RABGAP1L: variants seen among roughly 807,000 people sequenced by gnomAD.
The protein encoded by RABGAP1L is rab GTPase-activating protein 1-like.
RABGAP1L carries 63 observed loss-of-function variants against 137.7 expected under a neutral mutation model. That is an observed-to-expected ratio of 0.46 (90% confidence interval 0.37 to 0.56). The LOEUF is 0.56. Among genes scored for constraint, RABGAP1L ranks in the 20% least tolerant of loss-of-function variants. RABGAP1L has a pLI of 0.00. For synonymous variants in RABGAP1L, 431 were observed against 433.7 expected (o/e 0.99, Z 0.08); for missense variants, 1,095 against 1,244.0 (o/e 0.88, Z 1.80).
At chr1:174,909,349 AAGT>A (rs1454152317) in intron 19 of RABGAP1L, among the ~76,000 whole-genome samples, 1 of 152,078 alleles carries the variant, frequency 6.6e-6, no homozygotes, top group East Asian at 1.9e-4. Flanking sequence ...TCAGCCTCCC[AAGT>A]AGCTGGGACT....
intron 7 of RABGAP1L, among the ~76,000 whole-genome samples, chr1:174,261,528 T>G (rs149995077): frequency 0.012 from 1,870 of 152,298 alleles, 23 homozygotes; most frequent in Non-Finnish European, 0.019. Context: ...GTTATTTTCT[T>G]GAGGAAAAGA....
chr1:174,238,097 C>G (rs1671380231), intron 4 of RABGAP1L, among the ~76,000 whole-genome samples: 1 of 152,110 alleles, frequency 6.6e-6, no homozygotes, highest in Non-Finnish European at 1.5e-5. Context: ...TCACGTAGTT[C>G]TCGAGCCTTG....
At chr1:174,710,944 G>C (rs1680442615) in intron 17 of RABGAP1L, among the ~76,000 whole-genome samples, 1 of 152,230 alleles carries the variant, frequency 6.6e-6, no homozygotes, top group Non-Finnish European at 1.5e-5. Flanking sequence ...GGGAGGCTCA[G>C]GCTGCGCAGG....
At chr1:174,596,278 G>A (rs1229444003) in intron 13 of RABGAP1L, among the ~76,000 whole-genome samples, 1 of 150,608 alleles carries the variant, frequency 6.6e-6, no homozygotes, top group African/African-American at 2.5e-5. Flanking sequence ...GATGAACCCG[G>A]TACCTCAGAT....
At chr1:174,553,311 A>AC (rs1448375995) in intron 13 of RABGAP1L, among the ~76,000 whole-genome samples, 1 of 152,170 alleles carries the variant, frequency 6.6e-6, no homozygotes, top group African/African-American at 2.4e-5. Context: ...CTGTGCCTAC[A>AC]CCGCAAATGG....
chr1:174,201,358 G>A (rs1413794922), intron 1 of RABGAP1L, among the ~76,000 whole-genome samples: 1 of 150,168 alleles, frequency 6.7e-6, no homozygotes, highest in Admixed American at 6.7e-5. Flanking sequence ...CACCACACCC[G>A]GCTAATTTTT....
chr1:174,982,997 A>G, intron 24 of RABGAP1L, 92 bp downstream of exon 24: 1 of 1,296,980 alleles, frequency 7.7e-7, no homozygotes, highest in Middle Eastern at 1.8e-4. Flanking sequence ...ACCATTTTGT[A>G]TTAAAGGATT....
At chr1:174,537,927 C>G (rs149402977) in intron 13 of RABGAP1L, among the ~76,000 whole-genome samples, 156 of 152,268 alleles carry the variant, frequency 1.0e-3, no homozygotes, top group African/African-American at 3.6e-3. Context: ...CAGTTAGTTA[C>G]TCTCTTCCTT....
At chr1:174,218,557 G>T (rs1178899529) in intron 1 of RABGAP1L, among the ~76,000 whole-genome samples, 1 of 152,024 alleles carries the variant, frequency 6.6e-6, no homozygotes, top group Non-Finnish European at 1.5e-5. Flanking sequence ...TTTTCTTTTT[G>T]GTGTTAATAA....
chr1:174,690,017 A>G (rs939981189), intron 15 of RABGAP1L, among the ~76,000 whole-genome samples: 22 of 152,162 alleles, frequency 1.4e-4, no homozygotes, highest in African/African-American at 5.3e-4. Context: ...TTCCTATTCC[A>G]AGTTAATTCT....
intron 19 of RABGAP1L, among the ~76,000 whole-genome samples, chr1:174,885,556 G>C (rs996863136): frequency 1.3e-5 from 2 of 151,408 alleles, no homozygotes; most frequent in East Asian, 2.0e-4. Context: ...GGGTTTCACT[G>C]TGTTGACCAG....
chr1:174,987,257 C>T (rs1420471604), intron 24 of RABGAP1L, among the ~76,000 whole-genome samples: 1 of 152,108 alleles, frequency 6.6e-6, no homozygotes, highest in African/African-American at 2.4e-5. Context: ...AGCTCCGCCT[C>T]CCGGGTTCAC....
At chr1:174,755,493 A>G (rs1684673522) in intron 18 of RABGAP1L, among the ~76,000 whole-genome samples, 1 of 152,222 alleles carries the variant, frequency 6.6e-6, no homozygotes, top group Admixed American at 6.5e-5. Context: ...CGTGGTTAAA[A>G]GCAAATGACA....
At chr1:174,578,367 A>G (rs1205062282) in intron 13 of RABGAP1L, among the ~76,000 whole-genome samples, 1 of 152,058 alleles carries the variant, frequency 6.6e-6, no homozygotes, top group Non-Finnish European at 1.5e-5. Context: ...TGATTTTTTT[A>G]TAGAGAGGAG....
chr1:174,755,708 A>G (rs866739625), intron 18 of RABGAP1L, among the ~76,000 whole-genome samples: 67 of 152,326 alleles, frequency 4.4e-4, no homozygotes, highest in African/African-American at 1.6e-3. Context: ...ACATATGTAT[A>G]TATGTATGTA....
rs1400668944 is a variant in RABGAP1L, at chr1:174,830,005, C to T, written c.2340+18045C>T. On this transcript the variant is annotated intron_variant, in intron 19 of 25. Coordinates refer to ENST00000681986, the MANE Select transcript of RABGAP1L (RefSeq NM_001366446.1). ...GATTCTGTGAGTTGGCTAGGTGGTT[C>T]TTCTGTTGGTATCTCCTGGATTCAC... 2.7e-5 allele frequency among the ~76,000 whole-genome samples: 4 copies of T among 147,964 alleles called. No individual in the cohort carries two copies. In the Admixed American group the frequency reaches 2.7e-4, roughly 10 times the overall value.
At chr1:174,431,959 A>G (rs1347500853) in intron 13 of RABGAP1L, among the ~76,000 whole-genome samples, 1 of 152,134 alleles carries the variant, frequency 6.6e-6, no homozygotes, top group Non-Finnish European at 1.5e-5. Context: ...TTTTTTAAAG[A>G]AATAGTTTCA....
At chr1:174,449,673 C>T (rs1655211343) in intron 13 of RABGAP1L, among the ~76,000 whole-genome samples, 1 of 152,194 alleles carries the variant, frequency 6.6e-6, no homozygotes, top group African/African-American at 2.4e-5. Context: ...TCAAAGTGTA[C>T]CTTTAATCAC....
chr1:174,320,533 T>C (rs984765469), intron 11 of RABGAP1L, among the ~76,000 whole-genome samples: 5 of 152,154 alleles, frequency 3.3e-5, no homozygotes, highest in Non-Finnish European at 7.4e-5. Flanking sequence ...TTGCGGGAAG[T>C]CAGGGACCCT....
Sources: gnomAD v4.1 joint callset for allele counts (sites outside exome capture counted in the v4.1 genomes callset) on GRCh38, gnomAD v4.1.1 for gene constraint, MANE v1.5 for transcripts, NCBI Gene and HGNC (gene_info 2026-07-23, HGNC 2026-07-21) for gene names.